The following USP24 variants were observed in gnomAD, a reference collection of about 807,000 sequenced individuals.
USP24 encodes ubiquitin carboxyl-terminal hydrolase 24.
Under a neutral mutation model 361.6 loss-of-function variants are expected in USP24, and 97 were observed. That is an observed-to-expected ratio of 0.27 (90% CI 0.23 to 0.32). The LOEUF is 0.32. USP24 is among the 10% of genes least tolerant of loss of function. The pLI, the probability that USP24 is intolerant of heterozygous loss-of-function variation, is 1.00. For missense variants in USP24, 2,353 were observed against 3,165.6 expected, an observed-to-expected ratio of 0.74 and a Z score of 6.16; for synonymous variants, 1,098 against 1,124.6, an observed-to-expected ratio of 0.98 and a Z score of 0.47.
At chr1:55,171,418 AT>A (rs1358562461) in intron 5 of USP24, 137 bp downstream of exon 5, 1 of 1,125,106 alleles carries the variant, frequency 8.9e-7, no homozygotes, top group African/African-American at 1.6e-5. Context: ...AATGTAGGCA[AT>A]TTTATGAGCC....
chr1:55,167,080 A>G (rs1648954498), intron 5 of USP24, among the ~76,000 whole-genome samples: 1 of 152,288 alleles, frequency 6.6e-6, no homozygotes, highest in African/African-American at 2.4e-5. Context: ...GACTAGATAC[A>G]GAACAGTGAC....
chr1:55,213,802 A>G (rs1479318424), intron 1 of USP24, among the ~76,000 whole-genome samples: 1 of 151,920 alleles, frequency 6.6e-6, no homozygotes, highest in Non-Finnish European at 1.5e-5. Flanking sequence ...CTCACACCCC[A>G]AACTAAACAG....
At chr1:55,186,266 AT>A (rs1375475459) in intron 1 of USP24, among the ~76,000 whole-genome samples, 2 of 152,234 alleles carry the variant, frequency 1.3e-5, no homozygotes, top group African/African-American at 4.8e-5. Context: ...ATTATAAAAA[AT>A]ATAGAAAAAA....
At chr1:55,086,264 T>C (rs575214112) in intron 55 of USP24, 1 of 569,984 alleles carries the variant, frequency 1.8e-6, no homozygotes, top group South Asian at 2.3e-5. Context: ...TCACTAAGAC[T>C]CTATGTGGCA....
chr1:55,149,909 G>C (rs1472928915), intron 16 of USP24, among the ~76,000 whole-genome samples: 1 of 152,164 alleles, frequency 6.6e-6, no homozygotes, highest in Non-Finnish European at 1.5e-5. Context: ...AACCAGTTGT[G>C]TCCATCAACA....
chr1:55,177,942 T>C lies in USP24; in HGVS notation c.490+25A>G, dbSNP rs887293851. The C allele has an allele frequency of 1.2e-5, 18 of 1,542,738 alleles. 1 individual carries two copies. The South Asian group carries it at 1.3e-4, about 11-fold the overall frequency. ...GCCTTCTATGAAACAAATGTCCTCA[T>C]GTGTTCTAAGGTCTGAAAACTTACC... On this transcript the variant is annotated intron_variant, in intron 2 of 67. Coordinates refer to ENST00000294383, the MANE Select transcript of USP24 (RefSeq NM_015306.3).
At chr1:55,174,963 T>G (rs80067423) in intron 3 of USP24, among the ~76,000 whole-genome samples, 16,929 of 152,140 alleles carry the variant, frequency 0.11, 1,147 homozygotes, top group Non-Finnish European at 0.16. Flanking sequence ...CTGTAATTCT[T>G]AAAAGCTTAA....
chr1:55,112,943 T>A (rs1295869426), intron 38 of USP24, among the ~76,000 whole-genome samples: 1 of 152,242 alleles, frequency 6.6e-6, no homozygotes, highest in East Asian at 1.9e-4. Flanking sequence ...TGAATCTGGG[T>A]GCTCCTGTAT....
At chr1:55,127,984 A>C (rs1557603109) in intron 32 of USP24, among the ~76,000 whole-genome samples, 1 of 152,128 alleles carries the variant, frequency 6.6e-6, no homozygotes, top group Non-Finnish European at 1.5e-5. Context: ...CAAATCTCTC[A>C]TGCCATTCTC....
chr1:55,069,348 A>G (rs1445393943), intron 67 of USP24, among the ~76,000 whole-genome samples: 5 of 152,250 alleles, frequency 3.3e-5, no homozygotes, highest in Non-Finnish European at 7.3e-5. Context: ...CTAAAGTCAC[A>G]ATGCTACTCT....
rs1647403456 is a variant in USP24 at position 55,154,386 on chromosome 1, C to T, written c.1635G>A (p.Glu545=). 6.4e-7 allele frequency: 1 copy of T among 1,551,638 alleles called. No individual in the cohort carries two copies. Among genetic ancestry groups the T allele is most frequent in the Non-Finnish European group, 8.7e-7 (1 of 1,146,904 alleles). Reference sequence around the variant, plus strand: ...ATTCTCCTGCCTTTCCAGAAGTGGTCTCAAAGCGAGCTTCCCGGCCTATTC... The same window carrying T: ...ATTCTCCTGCCTTTCCAGAAGTGGTTTCAAAGCGAGCTTCCCGGCCTATTC... The part of the protein sequence containing the change: ...IGRIGREARF[E]TTSGKVLDVL... Residue 545 remains glutamate, a synonymous_variant, in exon 14 of 68, where the codon GAG becomes GAA. Transcript: ENST00000294383.
Position 55,089,629 on chromosome 1 carries a change from T to G in USP24, c.6666A>C (p.Ile2222=). Residue 2222 remains isoleucine (I), a splice_region_variant and synonymous_variant, in exon 55 of 68, where the codon ATA becomes ATC. Transcript: ENST00000294383. ...AATTAAAAGACTCCAACACTTACTT[T>G]ATCAATTCTCGTCCTTCAGAACTAA... The part of the protein sequence containing the change: ...YFISSEGREL[I]KIFLLECNVR... The G allele has an allele frequency of 6.4e-7, 1 of 1,573,030 alleles. No individual in the cohort carries two copies. Among genetic ancestry groups the G allele is most frequent in the South Asian group, 1.2e-5 (1 of 84,650 alleles).
rs1345662393 is a variant in USP24 at position 55,067,840 on chromosome 1, C to A, written c.*1205G>T. On this transcript the variant is annotated 3_prime_UTR_variant, in exon 68 of 68. Coordinates refer to ENST00000294383, the MANE Select transcript of USP24 (RefSeq NM_015306.3). ...TGTGGGTGTAAACCTCTCCCCCACA[C>A]CATAAAAGGGAGCTGGTATAAATGA... The A allele has an allele frequency of 2.0e-5, 3 of 152,170 alleles. No individual in the cohort carries two copies. Among genetic ancestry groups the A allele is most frequent in the Non-Finnish European group, 2.9e-5 (2 of 68,038 alleles). The allele number at this position is 152,170 out of a possible 1,614,324, so 9.4% of individuals were successfully genotyped here.
At chr1:55,189,634 G>A (rs1236581052) in intron 1 of USP24, among the ~76,000 whole-genome samples, 1 of 152,124 alleles carries the variant, frequency 6.6e-6, no homozygotes, top group Non-Finnish European at 1.5e-5. Context: ...CAAAATAAAT[G>A]GTGGTGATGG....
At chr1:55,082,919 T>C (rs568716879) in intron 58 of USP24, among the ~76,000 whole-genome samples, 1 of 152,316 alleles carries the variant, frequency 6.6e-6, no homozygotes, top group East Asian at 1.9e-4. Flanking sequence ...TGGCTGTGTT[T>C]TCAGCATCTG....
chr1:55,089,575 A>T (rs1170955161), intron 55 of USP24, 52 bp downstream of exon 55: 6 of 1,271,198 alleles, frequency 4.7e-6, no homozygotes, highest in Non-Finnish European at 6.6e-6. Context: ...TTCAGCTCTA[A>T]ATCACTGGAA....
In USP24 at chr1:55,120,097, G is replaced by A. The variant is rs117678766; in HGVS notation, c.4508+499C>T. On this transcript the variant is annotated intron_variant, in intron 38 of 67. Coordinates refer to ENST00000294383, the MANE Select transcript of USP24 (RefSeq NM_015306.3). The stretch of plus-strand genomic sequence containing the variant: ...GGACTAGACTGAGGAGCACATGCAT[G>A]CAGGCTCACTTGTTGAGGTAAGATG... Among the ~76,000 whole-genome samples the A allele has an allele frequency of 5.7e-3, 870 of 152,304 alleles. 7 individuals carry two copies. Among genetic ancestry groups the A allele is most frequent in the South Asian group, 9.9e-3 (48 of 4,828 alleles).
chr1:55,132,434 C>A, intron 31 of USP24, 111 bp downstream of exon 31: 1 of 1,272,614 alleles, frequency 7.9e-7, no homozygotes, highest in East Asian at 2.5e-5. Context: ...AATTTTCAAC[C>A]AATCATCACA....
chr1:55,195,375 A>G (rs878889958), intron 1 of USP24, among the ~76,000 whole-genome samples: 13 of 152,134 alleles, frequency 8.5e-5, no homozygotes, highest in Admixed American at 2.6e-4. Context: ...AAAATTTTCG[A>G]GCGTTGAGAT....
Sources: allele counts gnomAD v4.1 joint callset (sites outside exome capture counted in the v4.1 genomes callset), GRCh38; gene constraint gnomAD v4.1.1; transcripts MANE v1.5; gene names NCBI Gene and HGNC (gene_info 2026-07-23, HGNC 2026-07-21).